SOX6: variants seen among roughly 807,000 people sequenced by gnomAD.
The protein encoded by SOX6 is SRY-box transcription factor 6.
In SOX6, 11 loss-of-function variants were observed where a neutral mutation model predicts 97.8. The ratio of observed to expected loss-of-function variants is 0.11; its 90% CI spans 0.07 to 0.19. The LOEUF (loss-of-function observed/expected upper bound fraction) is 0.19, where lower values mean the gene tolerates loss of function less well. SOX6 is among the 10% of genes least tolerant of loss of function. The pLI, the probability that SOX6 is intolerant of heterozygous loss-of-function variation, is 1.00. For missense variants in SOX6, 810 were observed against 1,039.5 expected (o/e 0.78, Z 3.04); for synonymous variants, 360 against 371.4 (o/e 0.97, Z 0.35).
At chr11:16,596,381 T>G (rs866376448) in intron 4 of SOX6, among the ~76,000 whole-genome samples, 8 of 152,258 alleles carry the variant, frequency 5.3e-5, no homozygotes, top group Non-Finnish European at 1.0e-4. Flanking sequence ...TGCTGGCTTA[T>G]GTCCATATCA....
At chr11:16,075,283 C>T (rs1848326175) in intron 9 of SOX6, among the ~76,000 whole-genome samples, 1 of 152,114 alleles carries the variant, frequency 6.6e-6, no homozygotes, top group Non-Finnish European at 1.5e-5. Flanking sequence ...CTTGGGAGAC[C>T]TCACAATCAT....
At chr11:16,310,425 T>C (rs1342711806) in intron 3 of SOX6, among the ~76,000 whole-genome samples, 1 of 152,118 alleles carries the variant, frequency 6.6e-6, no homozygotes, top group African/African-American at 2.4e-5. Flanking sequence ...TAAATATCAT[T>C]GTACAAAACT....
intron 4 of SOX6, among the ~76,000 whole-genome samples, chr11:16,192,078 G>A (rs1851647576): frequency 6.6e-6 from 1 of 152,056 alleles, no homozygotes; most frequent in Admixed American, 6.6e-5. Flanking sequence ...CCCATTCACA[G>A]CAATTTACAG....
chr11:16,368,269 T>C (rs1857408535), intron 1 of SOX6, among the ~76,000 whole-genome samples: 1 of 152,108 alleles, frequency 6.6e-6, no homozygotes, highest in Non-Finnish European at 1.5e-5. Context: ...AATTTCAGAT[T>C]AAAGAGGGAA....
chr11:16,405,147 T>C (rs1030893342), intron 1 of SOX6, among the ~76,000 whole-genome samples: 1 of 152,004 alleles, frequency 6.6e-6, no homozygotes, highest in Non-Finnish European at 1.5e-5. Context: ...GTTTTTAATT[T>C]TGTCAGCTTC....
At position 16,121,014 on chromosome 11, in the gene SOX6, C is replaced by G. The variant is rs147192245; in HGVS notation, c.778-9091G>C. ...GTTAATAGCCCTGAAAGGGCCAATC[C>G]TTTCCTTTGTGTTAACATCTCTTTT... On this transcript the variant is annotated intron_variant, in intron 6 of 15. Coordinates refer to ENST00000683767, the MANE Select transcript of SOX6 (RefSeq NM_001367873.1). Among the ~76,000 whole-genome samples, 78 of 152,180 alleles carry G rather than the reference C, an allele frequency of 5.1e-4. 1 individual carries two copies. The East Asian group carries it at 0.014, about 28-fold the overall frequency.
At chr11:16,254,794 G>A (rs758198042) in intron 3 of SOX6, among the ~76,000 whole-genome samples, 5 of 151,900 alleles carry the variant, frequency 3.3e-5, no homozygotes, top group Admixed American at 6.6e-5. Context: ...AATCATAAAT[G>A]TCAGGGGTCT....
At chr11:16,342,977 G>T (rs1241798195) in intron 1 of SOX6, among the ~76,000 whole-genome samples, 1 of 151,738 alleles carries the variant, frequency 6.6e-6, no homozygotes, top group Non-Finnish European at 1.5e-5. Flanking sequence ...TCTTTGAGAA[G>T]AAATGAATTA....
intron 1 of SOX6, among the ~76,000 whole-genome samples, chr11:16,386,823 C>T (rs1590177154): frequency 6.6e-6 from 1 of 152,084 alleles, no homozygotes; most frequent in East Asian, 1.9e-4. Flanking sequence ...TTATTTAATG[C>T]CTTCCTCTTA....
intron 1 of SOX6, among the ~76,000 whole-genome samples, chr11:16,384,028 T>A (rs1857905243): frequency 6.6e-6 from 1 of 151,996 alleles, no homozygotes; most frequent in African/African-American, 2.4e-5. Flanking sequence ...AGGAATCAGA[T>A]GTTTGTAGTG....
intron 4 of SOX6, among the ~76,000 whole-genome samples, chr11:16,485,082 A>C (rs897070706): frequency 2.0e-5 from 3 of 152,142 alleles, no homozygotes; most frequent in African/African-American, 7.2e-5. Flanking sequence ...GGGTCAAGAG[A>C]GGAGGAATTA....
rs1331862977 is a variant in SOX6 at position 16,610,316 on chromosome 11, G to A, written n.609+1765C>T. ...GCCACCTAGAGAGGTGAAACATTAG[G>A]GACGGAAAGGCTGGAGCGCGACTGG... On this transcript the variant is annotated intron_variant and non_coding_transcript_variant, in intron 4 of 5. Transcript: ENST00000524520. The surrounding 1 kb of genome is among the most constrained non-coding windows in gnomAD (Gnocchi z 4.4). 6.6e-6 allele frequency among the ~76,000 whole-genome samples: 1 copy of A among 152,182 alleles called. No homozygotes were observed. Among genetic ancestry groups the A allele is most frequent in the African/African-American group, 2.4e-5 (1 of 41,434 alleles).
intron 4 of SOX6, among the ~76,000 whole-genome samples, chr11:16,556,607 A>C (rs1045189351): frequency 6.6e-6 from 1 of 151,826 alleles, no homozygotes; most frequent in Non-Finnish European, 1.5e-5. Context: ...GTTCATTAAA[A>C]TGTTTAACAT....
intron 13 of SOX6, among the ~76,000 whole-genome samples, chr11:15,995,188 C>T (rs947837855): frequency 1.1e-4 from 17 of 152,242 alleles, no homozygotes; most frequent in Admixed American, 1.1e-3. Context: ...AGCTGATGCC[C>T]TTTGCAAGAG....
At chr11:16,528,262 AAT>A (rs2133167396) in intron 4 of SOX6, among the ~76,000 whole-genome samples, 1 of 152,248 alleles carries the variant, frequency 6.6e-6, no homozygotes, top group African/African-American at 2.4e-5. Flanking sequence ...AAATAAGTAC[AAT>A]ATGTCACACT....
intron 6 of SOX6, among the ~76,000 whole-genome samples, chr11:16,150,101 C>T (rs1197745202): frequency 6.6e-6 from 1 of 152,008 alleles, no homozygotes; most frequent in African/African-American, 2.4e-5. Flanking sequence ...GCTAGAGATA[C>T]GGAGACAAAG....
At chr11:16,098,908 C>G (rs1230915697) in intron 7 of SOX6, among the ~76,000 whole-genome samples, 1 of 151,750 alleles carries the variant, frequency 6.6e-6, no homozygotes, top group Non-Finnish European at 1.5e-5. Context: ...CCTGGTGACT[C>G]TGGTTCCTGG....
intron 7 of SOX6, among the ~76,000 whole-genome samples, chr11:16,098,426 G>A (rs2133976952): frequency 6.6e-6 from 1 of 151,944 alleles, no homozygotes; most frequent in South Asian, 2.1e-4. Flanking sequence ...AGTGAGTATG[G>A]TTCAGCAGAG....
intron 9 of SOX6, among the ~76,000 whole-genome samples, chr11:16,062,912 C>G (rs1037201172): frequency 6.6e-6 from 1 of 151,628 alleles, no homozygotes; most frequent in African/African-American, 2.4e-5. Flanking sequence ...ATTCTGCCAA[C>G]GAGCTAAGAT....
Sources: allele counts gnomAD v4.1 joint callset (sites outside exome capture counted in the v4.1 genomes callset), GRCh38; gene constraint gnomAD v4.1.1; non-coding constraint Gnocchi (gnomAD v3.1); transcripts MANE v1.5; gene names NCBI Gene and HGNC (gene_info 2026-07-23, HGNC 2026-07-21).